Variants in IFRD1 observed in about 807,000 individuals in gnomAD.
The protein encoded by IFRD1 is interferon related developmental regulator 1.
Under a neutral mutation model 52.9 loss-of-function variants are expected in IFRD1, and 35 were observed. The observed-to-expected ratio is 0.66, with a 90% confidence interval of 0.51 to 0.88. The LOEUF (loss-of-function observed/expected upper bound fraction) is 0.88, where lower values mean the gene tolerates loss of function less well. Among genes scored for constraint, IFRD1 ranks in the 40% least tolerant of loss-of-function variants. The pLI is 0.00. For missense variants in IFRD1, 517 were observed against 550.8 expected, an observed-to-expected ratio of 0.94 and a Z score of 0.61; for synonymous variants, 184 against 188.4, an observed-to-expected ratio of 0.98 and a Z score of 0.19.
intron 11 of IFRD1, among the ~76,000 whole-genome samples, 162 bp downstream of exon 11, chr7:112,473,023 G>C (rs77405999): frequency 9.1e-6 from 1 of 110,328 alleles, no homozygotes; most frequent in African/African-American, 3.1e-5. Flanking sequence ...TTTAGAGTGT[G>C]GGGGGCGTGT....
intron 1 of IFRD1, among the ~76,000 whole-genome samples, chr7:112,439,864 A>C (rs1436924624): frequency 6.6e-6 from 1 of 152,212 alleles, no homozygotes; most frequent in Admixed American, 6.5e-5. Flanking sequence ...CTTCCCCTGA[A>C]GCACATGGCC....
At chr7:112,473,000 G>A in intron 11 of IFRD1, 139 bp downstream of exon 11, 1 of 684,396 alleles carries the variant, frequency 1.5e-6, no homozygotes, top group Non-Finnish European at 2.6e-6. Context: ...CTGTACTAAA[G>A]ATACAGAAAG....
At chr7:112,463,457 T>G (rs1381707760) in intron 8 of IFRD1, among the ~76,000 whole-genome samples, 1 of 152,138 alleles carries the variant, frequency 6.6e-6, no homozygotes, top group Non-Finnish European at 1.5e-5. Flanking sequence ...CTTAAAATTT[T>G]TATGTGTAAA....
At chr7:112,461,309 G>A (rs1781023431) in intron 5 of IFRD1, 1 of 152,234 alleles carries the variant, frequency 6.6e-6, no homozygotes, top group Non-Finnish European at 1.5e-5. Context: ...GAATATAGTT[G>A]TAACAGCTTA....
At chr7:112,454,570 A>T (rs1795241809) in intron 1 of IFRD1, among the ~76,000 whole-genome samples, 1 of 152,176 alleles carries the variant, frequency 6.6e-6, no homozygotes, top group South Asian at 2.1e-4. Context: ...CTTTTATACT[A>T]TATCAAATAC....
At chr7:112,453,181 C>T (rs1203220124) in intron 1 of IFRD1, among the ~76,000 whole-genome samples, 1 of 152,030 alleles carries the variant, frequency 6.6e-6, no homozygotes, top group Non-Finnish European at 1.5e-5. Context: ...AATGAGTTTT[C>T]TATTTAAACT....
At chr7:112,469,641 T>C (rs915024732) in intron 9 of IFRD1, among the ~76,000 whole-genome samples, 1 of 152,160 alleles carries the variant, frequency 6.6e-6, no homozygotes, top group Non-Finnish European at 1.5e-5. Context: ...TTTTCTGCCC[T>C]CATGCATCCC....
rs763166306 is a variant in IFRD1 at position 112,460,519 on chromosome 7, T to C, written c.568-1347T>C. Among the ~76,000 whole-genome samples the C allele has an allele frequency of 2.9e-4, 44 of 152,074 alleles. 1 individual carries two copies. Among genetic ancestry groups the C allele is most frequent in the Admixed American group, 1.2e-3 (18 of 15,256 alleles). On this transcript the variant is annotated intron_variant, in intron 5 of 11. Transcript: ENST00000403825. ...TGGTCTCTCAAAAGTGTTGAGATTA[T>C]GGGTGTGAGCCACCGCACCCAGCCA...
intron 10 of IFRD1, among the ~76,000 whole-genome samples, 164 bp downstream of exon 10, chr7:112,472,511 T>A (rs1795775801): frequency 6.6e-6 from 1 of 152,214 alleles, no homozygotes; most frequent in Admixed American, 6.5e-5. Flanking sequence ...TCTGAAGCTG[T>A]TCCTTTTTTT....
chr7:112,467,832 A>T, intron 8 of IFRD1, 149 bp from the exon 9 acceptor site: 1 of 751,216 alleles, frequency 1.3e-6, no homozygotes, highest in Non-Finnish European at 2.3e-6. Context: ...ACATGTGTTT[A>T]TGTGTGCCTA....
At chr7:112,453,976 G>GA (rs1188279206) in intron 1 of IFRD1, among the ~76,000 whole-genome samples, 4 of 152,100 alleles carry the variant, frequency 2.6e-5, no homozygotes, top group African/African-American at 9.7e-5. Context: ...TACTGAAAGG[G>GA]AATTAGGTTC....
At chr7:112,452,985 A>G (rs1795201457) in intron 1 of IFRD1, among the ~76,000 whole-genome samples, 1 of 152,214 alleles carries the variant, frequency 6.6e-6, no homozygotes, top group South Asian at 2.1e-4. Context: ...ACTTGGTCCT[A>G]TGTGAATGTT....
At chr7:112,463,660 A>G (rs1795522444) in intron 8 of IFRD1, among the ~76,000 whole-genome samples, 1 of 152,116 alleles carries the variant, frequency 6.6e-6, no homozygotes, top group Admixed American at 6.6e-5. Flanking sequence ...AGATGTCCCA[A>G]TTTTTAATCT....
chr7:112,464,055 A>T (rs1299350685), intron 8 of IFRD1, among the ~76,000 whole-genome samples: 2 of 112,944 alleles, frequency 1.8e-5, no homozygotes, highest in African/African-American at 3.5e-5. Flanking sequence ...TTTTTTTTTA[A>T]AATAAGCTTT....
intron 5 of IFRD1, 128 bp from the exon 6 acceptor site, chr7:112,461,738 A>G (rs954491386): frequency 5.5e-5 from 29 of 527,264 alleles, no homozygotes; most frequent in African/African-American, 9.9e-5. Flanking sequence ...TCTTTTATGT[A>G]TAATGTTTGG....
upstream of IFRD1, among the ~76,000 whole-genome samples, chr7:112,445,478 T>C (rs1216877453): frequency 1.3e-5 from 2 of 152,224 alleles, no homozygotes; most frequent in Admixed American, 1.3e-4. Context: ...AAACTAATCT[T>C]TTCTGCGTAG....
At chr7:112,448,204 A>G (rs906467164), upstream of IFRD1, among the ~76,000 whole-genome samples, 7 of 151,900 alleles carry the variant, frequency 4.6e-5, no homozygotes, top group African/African-American at 1.7e-4. Context: ...TGTTCTTGGG[A>G]AGCTGATAAT....
Position 112,468,659 on chromosome 7 carries a change from C to T in IFRD1, c.1041+544C>T, listed in dbSNP as rs567329637. Reference sequence around the variant, plus strand: ...GATTACAGGTGCCCACCACCATATCCGGCTAATTTTTTGTATTTTTAGTAG... The same window carrying T: ...GATTACAGGTGCCCACCACCATATCTGGCTAATTTTTTGTATTTTTAGTAG... On this transcript the variant is annotated intron_variant, in intron 9 of 11. Coordinates refer to ENST00000403825, the MANE Select transcript of IFRD1 (RefSeq NM_001550.4). 1.6e-4 allele frequency among the ~76,000 whole-genome samples: 24 copies of T among 152,178 alleles called. No individual in the cohort carries two copies. The South Asian group carries it at 3.5e-3, about 22-fold the overall frequency.
Position 112,455,787 on chromosome 7 carries a change from C to T in IFRD1, c.119C>T (p.Pro40Leu). ...TAGGQHRNVQ[P>L]FSDEDASIET... is the part of the protein sequence containing the mutation. Reference sequence around the variant, plus strand: ...GGTGGCCAGCATCGAAATGTTCAGCCTTTTAGTGATGAAGATGCATCAATT... The same window carrying T: ...GGTGGCCAGCATCGAAATGTTCAGCTTTTTAGTGATGAAGATGCATCAATT... Residue 40 changes from proline (P) to leucine (L), a missense_variant, in exon 2 of 12, where the codon CCT (proline) becomes CTT (leucine). Physicochemically the swap from Pro to Leu is moderately conservative, Grantham distance 98. Transcript: ENST00000403825. 1.2e-6 allele frequency: 2 copies of T among 1,612,180 alleles called. No individual in the cohort carries two copies. The highest frequency in any genetic ancestry group is 1.7e-6 in the Non-Finnish European group (2 of 1,178,352).
Sources: gnomAD v4.1 joint callset for allele counts (sites outside exome capture counted in the v4.1 genomes callset) on GRCh38, gnomAD v4.1.1 for gene constraint, MANE v1.5 for transcripts, NCBI Gene and HGNC (gene_info 2026-07-23, HGNC 2026-07-21) for gene names.